The following EDN1 variants were observed in gnomAD, a reference collection of about 807,000 sequenced individuals.
The protein encoded by EDN1 is endothelin-1.
In EDN1, 11 loss-of-function variants were observed where a neutral mutation model predicts 21.7. That is an observed-to-expected ratio of 0.51 (90% CI 0.32 to 0.84). EDN1 has a LOEUF of 0.84. EDN1 is among the 40% of genes least tolerant of loss of function. The pLI is 0.03. For missense variants in EDN1, 244 were observed against 262.3 expected (o/e 0.93, Z 0.48); for synonymous variants, 85 against 90.6 (o/e 0.94, Z 0.35).
the EDN1 span, among the ~76,000 whole-genome samples, chr6:12,258,667 G>A: frequency 6.6e-6 from 1 of 152,276 alleles, no homozygotes; most frequent in Admixed American, 6.5e-5. Context: ...GGCTGTATCA[G>A]TGGAACTGCA....
the EDN1 span, among the ~76,000 whole-genome samples, chr6:12,274,982 TTCCCTCCC>T: frequency 3.6e-5 from 5 of 140,154 alleles, no homozygotes; most frequent in Non-Finnish European, 4.6e-5. Context: ...TGCTCCTTCC[TTCCCTCCC>T]TCCCTCCCTC....
the EDN1 span, among the ~76,000 whole-genome samples, chr6:12,254,949 C>T: frequency 6.6e-6 from 1 of 152,102 alleles, no homozygotes; most frequent in East Asian, 1.9e-4. Flanking sequence ...TCTCCAGTAA[C>T]TCAGAAAGAA....
the EDN1 span, among the ~76,000 whole-genome samples, chr6:12,231,238 G>A: frequency 2.0e-5 from 3 of 152,304 alleles, no homozygotes; most frequent in East Asian, 5.8e-4. Context: ...CACTGACCAG[G>A]AAGGGCTCCT....
the EDN1 span, among the ~76,000 whole-genome samples, chr6:12,276,909 T>A: frequency 6.6e-6 from 1 of 152,244 alleles, no homozygotes; most frequent in East Asian, 1.9e-4. Flanking sequence ...TAAATATAAA[T>A]CTGTTAACAT....
the EDN1 span, among the ~76,000 whole-genome samples, chr6:12,266,841 T>C: frequency 6.6e-6 from 1 of 152,152 alleles, no homozygotes; most frequent in Non-Finnish European, 1.5e-5. Flanking sequence ...TGCGGTCTTT[T>C]CTCAGTGGTA....
the EDN1 span, among the ~76,000 whole-genome samples, chr6:12,259,784 A>T: frequency 6.6e-6 from 1 of 152,062 alleles, no homozygotes; most frequent in South Asian, 2.1e-4. Flanking sequence ...TACCTTAAGG[A>T]TAATTAGTTC....
At chr6:12,280,857 C>T in the EDN1 span, among the ~76,000 whole-genome samples, 1 of 152,172 alleles carries the variant, frequency 6.6e-6, no homozygotes, top group Non-Finnish European at 1.5e-5. Flanking sequence ...CATGCCACTG[C>T]ACTCCAGCCT....
At chr6:12,261,716 C>T in the EDN1 span, among the ~76,000 whole-genome samples, 1 of 152,188 alleles carries the variant, frequency 6.6e-6, no homozygotes, top group East Asian at 1.9e-4. Context: ...CAGGGGAAAT[C>T]CAGGTTTCAC....
the EDN1 span, among the ~76,000 whole-genome samples, chr6:12,248,814 CACT>C: frequency 6.6e-6 from 1 of 152,068 alleles, no homozygotes; most frequent in Non-Finnish European, 1.5e-5. Context: ...CTTACACCAC[CACT>C]GTTGCTAGTT....
the EDN1 span, among the ~76,000 whole-genome samples, chr6:12,243,256 G>T: frequency 6.7e-6 from 1 of 148,650 alleles, no homozygotes; most frequent in African/African-American, 2.5e-5. Context: ...ATCTTAAAGG[G>T]CTTCATCCGT....
chr6:12,239,619 A>AG, the EDN1 span, among the ~76,000 whole-genome samples: 28 of 152,332 alleles, frequency 1.8e-4, no homozygotes, highest in South Asian at 5.4e-3. Flanking sequence ...TTGAAAATAG[A>AG]GGGAACAGGC....
At chr6:12,292,196 C>G (rs574077678) in intron 1 of EDN1, 145 bp from the exon 2 acceptor site, 217 of 1,169,456 alleles carry the variant, frequency 1.9e-4, no homozygotes, top group Non-Finnish European at 2.5e-4. Context: ...AATAAAGAGC[C>G]CTTTTTTCTG....
intron 2 of EDN1, among the ~76,000 whole-genome samples, chr6:12,293,598 A>G (rs1048052600): frequency 6.6e-6 from 1 of 152,240 alleles, no homozygotes; most frequent in Non-Finnish European, 1.5e-5. Flanking sequence ...TAAATAGACC[A>G]TTAGAAAAGG....
At chr6:12,273,872 C>T in the EDN1 span, among the ~76,000 whole-genome samples, 1 of 152,088 alleles carries the variant, frequency 6.6e-6, no homozygotes, top group East Asian at 1.9e-4. Context: ...CAAATAGAGC[C>T]ATTGACCTTA....
the EDN1 span, among the ~76,000 whole-genome samples, chr6:12,269,781 GTTC>G: frequency 6.6e-6 from 1 of 151,666 alleles, no homozygotes; most frequent in Non-Finnish European, 1.5e-5. Flanking sequence ...TTTTGGTTAT[GTTC>G]TTCTCTGGTG....
At chr6:12,265,074 A>T in the EDN1 span, among the ~76,000 whole-genome samples, 1 of 152,212 alleles carries the variant, frequency 6.6e-6, no homozygotes, top group African/African-American at 2.4e-5. Context: ...TTGCAGAGTC[A>T]GAGATGAATA....
At chr6:12,254,275 C>G in the EDN1 span, among the ~76,000 whole-genome samples, 75 of 152,272 alleles carry the variant, frequency 4.9e-4, no homozygotes, top group African/African-American at 1.7e-3. Context: ...GAGGGTGTTT[C>G]CCTCTGCCTG....
intron 1 of EDN1, 55 bp downstream of exon 1, chr6:12,290,748 TC>T (rs1416222625): frequency 6.9e-7 from 1 of 1,443,056 alleles, no homozygotes; most frequent in East Asian, 2.3e-5. Flanking sequence ...TGTGTTCTTA[TC>T]CACCTTCATG....
chr6:12,244,048 C>T, the EDN1 span, among the ~76,000 whole-genome samples: 1 of 151,994 alleles, frequency 6.6e-6, no homozygotes, highest in East Asian at 1.9e-4. Flanking sequence ...ATTCATTTAT[C>T]CTCTAAAAAG....
Sources: gnomAD v4.1 joint callset for allele counts (sites outside exome capture counted in the v4.1 genomes callset) on GRCh38, gnomAD v4.1.1 for gene constraint, MANE v1.5 for transcripts, NCBI Gene and HGNC (gene_info 2026-07-23, HGNC 2026-07-21) for gene names.